Variants in AFF2 observed in about 807,000 individuals in gnomAD.
The protein encoded by AFF2 is ALF transcription elongation factor 2, also known as AF4/FMR2 family member 2.
In AFF2, 14 loss-of-function variants were observed where a neutral mutation model predicts 76.9. The ratio of observed to expected loss-of-function variants is 0.18; its 90% CI spans 0.12 to 0.28. The LOEUF (loss-of-function observed/expected upper bound fraction) is 0.28. AFF2 is among the 10% of genes least tolerant of loss of function. The probability of loss-of-function intolerance (pLI) is 1.00; values close to 1 mark genes in which losing one functional copy is unlikely to be tolerated. For synonymous variants in AFF2, 398 were observed against 366.7 expected (o/e 1.09, Z -0.98); for missense variants, 868 against 1,001.1 (o/e 0.87, Z 1.79).
intron 9 of AFF2, among the ~76,000 whole-genome samples, chrX:148,935,396 T>TACACAC (rs3831670): frequency 0.11 from 11,245 of 102,387 alleles, 884 homozygotes; most frequent in African/African-American, 0.27. Flanking sequence ...CATTTGAAAC[T>TACACAC]ACACACACAC....
chrX:148,516,557 A>G (rs1017749994), intron 1 of AFF2, among the ~76,000 whole-genome samples: 1 of 111,969 alleles, frequency 8.9e-6, no homozygotes, highest in Non-Finnish European at 1.9e-5. Context: ...AGAGTTGAGC[A>G]ACTACTGCAC....
At position 148,992,686 on chromosome X, in the gene AFF2, C is replaced by A. The variant is rs1356369604; in HGVS notation, c.*1354C>A. The stretch of plus-strand genomic sequence containing the variant: ...TTGAAAGAGCCCTAAACATTGGGAA[C>A]CATTCACCTAATTTGGAGACATTTC... On this transcript the variant is annotated 3_prime_UTR_variant, in exon 21 of 21. Coordinates refer to ENST00000370460, the MANE Select transcript of AFF2 (RefSeq NM_002025.4). 8.9e-6 allele frequency: 1 copy of A among 112,072 alleles called. No homozygotes were observed. Among genetic ancestry groups the A allele is most frequent in the African/African-American group, 3.3e-5 (1 of 30,748 alleles). The allele number at this position is 112,072 out of a possible 1,213,427, so 9.2% of individuals were successfully genotyped here. A position where few individuals can be genotyped will look rare whatever the true frequency, so the allele number is the denominator to read the frequency against.
intron 1 of AFF2, among the ~76,000 whole-genome samples, chrX:148,600,153 A>T (rs2053612806): frequency 8.9e-6 from 1 of 112,217 alleles, no homozygotes; most frequent in South Asian, 3.7e-4. Context: ...ACTTGTGAAC[A>T]TTGCAGGTGT....
chrX:148,910,493 A>T (rs1018657923), intron 9 of AFF2, among the ~76,000 whole-genome samples: 1 of 112,422 alleles, frequency 8.9e-6, no homozygotes, highest in East Asian at 2.8e-4. Flanking sequence ...AATGTTTGTT[A>T]AGTGGGGAAC....
At chrX:148,749,331 A>T (rs1019209639) in intron 3 of AFF2, among the ~76,000 whole-genome samples, 1 of 107,352 alleles carries the variant, frequency 9.3e-6, no homozygotes, top group Non-Finnish European at 1.9e-5. Context: ...GAGTGCAATG[A>T]CGTGATCATA....
chrX:148,958,188 G>A (rs148701646), intron 11 of AFF2, 149 bp from the exon 12 acceptor site: 9,223 of 810,278 alleles, frequency 0.011, 57 homozygotes, highest in Middle Eastern at 0.033. Flanking sequence ...TTTTCTGTCT[G>A]ATCAAAGGTG....
intron 3 of AFF2, among the ~76,000 whole-genome samples, chrX:148,751,134 A>G (rs897801808): frequency 7.1e-5 from 8 of 112,567 alleles, no homozygotes; most frequent in Non-Finnish European, 1.3e-4. Context: ...TTTAAATCCC[A>G]TAAGTAATAA....
At chrX:148,536,860 T>A (rs1557236643) in intron 1 of AFF2, among the ~76,000 whole-genome samples, 1 of 110,530 alleles carries the variant, frequency 9.0e-6, no homozygotes, top group East Asian at 2.8e-4. Context: ...GCCAATAGGT[T>A]TTTTTTTAGA....
intron 3 of AFF2, among the ~76,000 whole-genome samples, chrX:148,802,008 C>A (rs1437755303): frequency 8.9e-6 from 1 of 111,830 alleles, no homozygotes; most frequent in Non-Finnish European, 1.9e-5. Context: ...ACCAGTTTTT[C>A]CTGGAAGCAC....
intron 1 of AFF2, among the ~76,000 whole-genome samples, chrX:148,641,232 C>T (rs897957137): frequency 9.0e-6 from 1 of 111,587 alleles, no homozygotes; most frequent in Admixed American, 9.5e-5. Context: ...ATTTTGTCAA[C>T]ATTTGTCAGT....
intron 1 of AFF2, among the ~76,000 whole-genome samples, chrX:148,531,907 TTA>T (rs1491315327): frequency 3.0e-5 from 1 of 33,193 alleles, no homozygotes; most frequent in Admixed American, 4.5e-4. Flanking sequence ...TATCTTTTTT[TTA>T]AAAAAAAAGC....
intron 3 of AFF2, among the ~76,000 whole-genome samples, chrX:148,763,368 C>T (rs1209584335): frequency 3.6e-5 from 4 of 111,597 alleles, no homozygotes; most frequent in Non-Finnish European, 7.5e-5. Context: ...ATCTCTGCAT[C>T]CTAGAACCAG....
At chrX:148,666,092 C>G (rs1603271879) in intron 3 of AFF2, among the ~76,000 whole-genome samples, 1 of 111,767 alleles carries the variant, frequency 8.9e-6, no homozygotes, top group East Asian at 2.8e-4. Context: ...ATGTGATGTG[C>G]AAGTGTGTGT....
chrX:148,905,166 T>A (rs1449019164), intron 9 of AFF2, among the ~76,000 whole-genome samples: 1 of 112,451 alleles, frequency 8.9e-6, no homozygotes, highest in African/African-American at 3.2e-5. Context: ...TTGTTTTGTA[T>A]AATAAAATAA....
intron 2 of AFF2, among the ~76,000 whole-genome samples, chrX:148,655,577 A>G (rs1453663407): frequency 9.0e-6 from 1 of 111,662 alleles, no homozygotes; most frequent in Non-Finnish European, 1.9e-5. Context: ...GCCTGGCCAA[A>G]ACCTTTGTTC....
chrX:148,785,141 A>AGGTTGCCTGTT (rs1557269404), intron 3 of AFF2, among the ~76,000 whole-genome samples: 1 of 112,265 alleles, frequency 8.9e-6, no homozygotes, highest in African/African-American at 3.2e-5. Flanking sequence ...ATGCACATAT[A>AGGTTGCCTGTT]CACAGAGTCA....
At chrX:148,621,275 G>T (rs2053865260) in intron 1 of AFF2, among the ~76,000 whole-genome samples, 1 of 111,619 alleles carries the variant, frequency 9.0e-6, no homozygotes, top group Non-Finnish European at 1.9e-5. Context: ...AAAGCATTTT[G>T]TTTTAATGTG....
chrX:148,503,008 CCTAA>C (rs2052370031), intron 1 of AFF2, among the ~76,000 whole-genome samples: 1 of 112,161 alleles, frequency 8.9e-6, no homozygotes. Flanking sequence ...CCTCCAGATC[CCTAA>C]CTGAGACACA....
intron 8 of AFF2, among the ~76,000 whole-genome samples, chrX:148,890,914 A>G (rs1442267549): frequency 8.9e-6 from 1 of 112,282 alleles, no homozygotes; most frequent in East Asian, 2.8e-4. Flanking sequence ...TTGGAATTAG[A>G]CATAGTGCTA....
Sources: allele counts gnomAD v4.1 joint callset (sites outside exome capture counted in the v4.1 genomes callset), GRCh38; gene constraint gnomAD v4.1.1; transcripts MANE v1.5; gene names NCBI Gene and HGNC (gene_info 2026-07-23, HGNC 2026-07-21).